Variants in AUTS2 observed in about 807,000 individuals in gnomAD.
The protein encoded by AUTS2 is autism susceptibility gene 2 protein.
A neutral mutation model predicts 112.4 loss-of-function variants in AUTS2; 17 were observed. The observed-to-expected ratio is 0.15, with a 90% confidence interval of 0.10 to 0.23. The LOEUF (loss-of-function observed/expected upper bound fraction) is 0.23, where lower values mean the gene tolerates loss of function less well. Among genes scored for constraint, AUTS2 ranks in the 10% least tolerant of loss-of-function variants. The pLI is 1.00. For missense variants in AUTS2, 1,510 were observed against 1,701.6 expected (o/e 0.89, Z 1.98); for synonymous variants, 751 against 702.7 (o/e 1.07, Z -1.09).
intron 1 of AUTS2, among the ~76,000 whole-genome samples, chr7:69,636,763 T>C (rs1479510744): frequency 4.6e-5 from 7 of 151,330 alleles, no homozygotes; most frequent in Admixed American, 3.3e-4. Flanking sequence ...TATAAAATGT[T>C]GTCCTACAAC....
chr7:70,182,321 T>C (rs1809362019), intron 4 of AUTS2, among the ~76,000 whole-genome samples: 1 of 152,240 alleles, frequency 6.6e-6, no homozygotes, highest in South Asian at 2.1e-4. Context: ...TACCCTTAGC[T>C]ATCTTGCCTG....
intron 1 of AUTS2, among the ~76,000 whole-genome samples, chr7:69,715,379 A>G (rs1323455407): frequency 6.6e-6 from 1 of 152,206 alleles, no homozygotes; most frequent in Admixed American, 6.5e-5. Flanking sequence ...CTTAACCAGA[A>G]GGCAATCAAG....
rs80260270 is a variant in AUTS2, at chr7:69,731,602, T to C, written c.309+131640T>C. On this transcript the variant is annotated intron_variant, in intron 1 of 18. Transcript: ENST00000342771. The stretch of plus-strand genomic sequence containing the variant: ...AGCCCTTTCACATGCTGTTTCTTAT[T>C]TGTGAACTGAGTGTTTTATACAGAA... 7.6e-3 allele frequency among the ~76,000 whole-genome samples: 1,163 copies of C among 152,342 alleles called. 15 individuals are homozygous for C. Among genetic ancestry groups the C allele is most frequent in the East Asian group, 0.053 (274 of 5,184 alleles).
chr7:69,641,611 T>C (rs1468206841), intron 1 of AUTS2, among the ~76,000 whole-genome samples: 1 of 152,226 alleles, frequency 6.6e-6, no homozygotes, highest in Non-Finnish European at 1.5e-5. Flanking sequence ...AATAAAATTA[T>C]GTTTTATGGA....
intron 5 of AUTS2, among the ~76,000 whole-genome samples, chr7:70,615,720 G>C (rs1448144982): frequency 3.9e-5 from 6 of 152,056 alleles, no homozygotes; most frequent in Non-Finnish European, 7.4e-5. Flanking sequence ...GTCCTAATAA[G>C]AGTTTGGGGA....
In AUTS2 at chr7:70,152,429, A is replaced by AT. The variant is rs60128442; in HGVS notation, c.660+17869dup. 0.01 allele frequency among the ~76,000 whole-genome samples: 1,479 copies of AT among 147,612 alleles called. 59 individuals are homozygous for AT. In the East Asian group the frequency reaches 0.12, roughly 12 times the overall value. ...GCAGAGGAACAAAGACTGACAGCAG[A>AT]TTTTTTTTTTTCTGGAAAAAAAAAA... is the stretch of plus-strand genomic sequence containing the variant. On this transcript the variant is annotated intron_variant, in intron 4 of 18. Transcript: ENST00000342771.
intron 4 of AUTS2, among the ~76,000 whole-genome samples, chr7:70,249,306 G>A (rs1524519): frequency 0.97 from 147,370 of 152,224 alleles, 71,536 homozygotes; most frequent in East Asian, 1. Flanking sequence ...TATTTAACCC[G>A]GTAGGTCCAA....
At chr7:70,456,996 C>G (rs909166173) in intron 5 of AUTS2, among the ~76,000 whole-genome samples, 4 of 152,194 alleles carry the variant, frequency 2.6e-5, no homozygotes, top group Admixed American at 1.3e-4. Context: ...ATCTCCACCC[C>G]CAAGCAGGTG....
intron 4 of AUTS2, among the ~76,000 whole-genome samples, chr7:70,136,924 A>G (rs562408224): frequency 1.3e-5 from 2 of 152,354 alleles, no homozygotes; most frequent in South Asian, 4.1e-4. Context: ...GTGTTTGTTA[A>G]TAAAATAGAC....
At chr7:70,469,313 G>A (rs550003312) in intron 5 of AUTS2, among the ~76,000 whole-genome samples, 6 of 152,264 alleles carry the variant, frequency 3.9e-5, no homozygotes, top group African/African-American at 1.2e-4. Flanking sequence ...GGTGTGAGGG[G>A]GGTGCTATTA....
intron 1 of AUTS2, among the ~76,000 whole-genome samples, chr7:69,617,654 C>G (rs1793449902): frequency 6.6e-6 from 1 of 152,144 alleles, no homozygotes. Flanking sequence ...TTTGAATTTC[C>G]CCAAGGTCAC....
chr7:69,959,447 A>G (rs1377737609), intron 2 of AUTS2, among the ~76,000 whole-genome samples: 1 of 152,122 alleles, frequency 6.6e-6, no homozygotes, highest in East Asian at 1.9e-4. Flanking sequence ...GGACAATTTC[A>G]ATATCTATGT....
At chr7:69,645,493 GA>G (rs1424924008) in intron 1 of AUTS2, among the ~76,000 whole-genome samples, 2 of 152,128 alleles carry the variant, frequency 1.3e-5, no homozygotes, top group African/African-American at 4.8e-5. Context: ...GAGGAAACAG[GA>G]ATCATAAATC....
intron 6 of AUTS2, among the ~76,000 whole-genome samples, chr7:70,748,120 G>A (rs1049427789): frequency 3.3e-5 from 5 of 151,524 alleles, no homozygotes; most frequent in South Asian, 2.1e-4. Flanking sequence ...GAGCCACCGC[G>A]CCTGGCCCAG....
chr7:70,482,930 T>A (rs1274414528), intron 5 of AUTS2, among the ~76,000 whole-genome samples: 1 of 152,218 alleles, frequency 6.6e-6, no homozygotes, highest in African/African-American at 2.4e-5. Flanking sequence ...CAAAGGAGGA[T>A]AATTGTGTGG....
At chr7:70,414,671 G>A (rs919207556) in intron 4 of AUTS2, among the ~76,000 whole-genome samples, 1 of 152,136 alleles carries the variant, frequency 6.6e-6, no homozygotes, top group Non-Finnish European at 1.5e-5. Context: ...CATTGGAAAG[G>A]GGGTGGTAAA....
chr7:70,246,952 T>G (rs1331302519), intron 4 of AUTS2, among the ~76,000 whole-genome samples: 1 of 152,026 alleles, frequency 6.6e-6, no homozygotes, highest in African/African-American at 2.4e-5. Flanking sequence ...GGTACTTGAT[T>G]TTTTTTGGTC....
chr7:69,733,151 G>A (rs146802961), intron 1 of AUTS2, among the ~76,000 whole-genome samples: 2 of 152,286 alleles, frequency 1.3e-5, no homozygotes, highest in Non-Finnish European at 2.9e-5. Context: ...CATAGGTGAT[G>A]TGTCATTTCT....
At chr7:70,598,246 A>G (rs992900749) in intron 5 of AUTS2, among the ~76,000 whole-genome samples, 5 of 152,146 alleles carry the variant, frequency 3.3e-5, no homozygotes, top group African/African-American at 1.2e-4. Flanking sequence ...CATTGCTACC[A>G]TGAAAATCTA....
Sources: gnomAD v4.1 joint callset for allele counts (sites outside exome capture counted in the v4.1 genomes callset) on GRCh38, gnomAD v4.1.1 for gene constraint, MANE v1.5 for transcripts, NCBI Gene and HGNC (gene_info 2026-07-23, HGNC 2026-07-21) for gene names.